RUNX1T1: variants seen among roughly 807,000 people sequenced by gnomAD.
RUNX1T1 encodes RUNX1 partner transcriptional co-repressor 1, also known as protein CBFA2T1.
In RUNX1T1, 4 loss-of-function variants were observed where a neutral mutation model predicts 62.8. That is an observed-to-expected ratio of 0.06 (90% confidence interval 0.03 to 0.15). The LOEUF is 0.15. Ranked by LOEUF, RUNX1T1 falls within the 10% of genes least tolerant of loss-of-function variation. RUNX1T1 has a pLI of 1.00. For missense variants in RUNX1T1, 508 were observed against 754.3 expected (o/e 0.67, Z 3.82); for synonymous variants, 291 against 286.0 (o/e 1.02, Z -0.18).
chr8:92,003,469 C>T, intron 5 of RUNX1T1: 1 of 438,978 alleles, frequency 2.3e-6, no homozygotes, highest in Non-Finnish European at 4.6e-6. Flanking sequence ...AAGTTGTGTC[C>T]ATTTTCAATT....
chr8:92,054,961 C>T (rs368947358), intron 1 of RUNX1T1, among the ~76,000 whole-genome samples: 4 of 151,936 alleles, frequency 2.6e-5, no homozygotes, highest in South Asian at 2.1e-4. Context: ...GCCAAGATTG[C>T]GCCACTGCAC....
At chr8:92,100,159 C>A (rs1436326028), upstream of RUNX1T1, among the ~76,000 whole-genome samples, 1 of 151,962 alleles carries the variant, frequency 6.6e-6, no homozygotes, top group Non-Finnish European at 1.5e-5. Context: ...TTAGAAAGGA[C>A]CTTTTAAAGA....
chr8:91,979,774 T>TA (rs1814800753), intron 8 of RUNX1T1: 1 of 516,370 alleles, frequency 1.9e-6, no homozygotes, highest in African/African-American at 1.9e-5. Context: ...GCACTACACT[T>TA]ACGACAGGAT....
chr8:92,042,521 T>A (rs1828653660), intron 1 of RUNX1T1, among the ~76,000 whole-genome samples: 1 of 151,850 alleles, frequency 6.6e-6, no homozygotes. Context: ...GGTGTCTTGT[T>A]ATGTTGGCCA....
At chr8:92,088,578 T>C (rs966820515) in intron 1 of RUNX1T1, among the ~76,000 whole-genome samples, 2 of 152,222 alleles carry the variant, frequency 1.3e-5, no homozygotes, top group Non-Finnish European at 2.9e-5. Flanking sequence ...GTGCCAACCC[T>C]TTTAGGTACC....
At chr8:92,028,659 T>C (rs1264685106) in intron 1 of RUNX1T1, among the ~76,000 whole-genome samples, 2 of 152,148 alleles carry the variant, frequency 1.3e-5, no homozygotes, top group East Asian at 1.9e-4. Context: ...CAAAGAAAAG[T>C]TTAAAGCCCC....
intron 8 of RUNX1T1, among the ~76,000 whole-genome samples, chr8:91,978,680 A>C (rs930949505): frequency 6.6e-6 from 1 of 152,222 alleles, no homozygotes; most frequent in Non-Finnish European, 1.5e-5. Flanking sequence ...CAAATTTCTT[A>C]GATGACACTT....
intron 1 of RUNX1T1, among the ~76,000 whole-genome samples, chr8:92,020,780 C>A (rs1057412875): frequency 4.0e-5 from 6 of 150,562 alleles, no homozygotes; most frequent in African/African-American, 7.3e-5. Context: ...TTTCAATATC[C>A]AGTTCAGTGT....
chr8:91,997,828 CT>C (rs1303778649), intron 5 of RUNX1T1, among the ~76,000 whole-genome samples: 3 of 152,124 alleles, frequency 2.0e-5, no homozygotes, highest in African/African-American at 7.2e-5. Context: ...ACTGTAGCTC[CT>C]TGAAAAATGA....
chr8:92,082,177 G>A (rs1394019326), intron 1 of RUNX1T1, among the ~76,000 whole-genome samples: 2 of 152,100 alleles, frequency 1.3e-5, no homozygotes, highest in African/African-American at 2.4e-5. Context: ...GAGCCACCGC[G>A]CCTGGCCTAA....
upstream of RUNX1T1, among the ~76,000 whole-genome samples, chr8:92,102,448 GAAA>G (rs978904155): frequency 6.6e-6 from 1 of 151,020 alleles, no homozygotes; most frequent in African/African-American, 2.4e-5. The surrounding 1 kb of genome is among the most constrained non-coding windows in gnomAD (Gnocchi z 4.5). Context: ...GAAAGGAAAA[GAAA>G]AAAACCCACG....
chr8:92,102,955 G>C, upstream of RUNX1T1: 3 of 1,475,912 alleles, frequency 2.0e-6, no homozygotes, highest in Non-Finnish European at 2.7e-6. The surrounding 1 kb of genome is among the most constrained non-coding windows in gnomAD (Gnocchi z 4.5). Flanking sequence ...ACGGGGCGAG[G>C]ACGCGGCGCG....
intron 1 of RUNX1T1, among the ~76,000 whole-genome samples, chr8:92,032,188 T>TA (rs937302539): frequency 3.9e-4 from 48 of 122,984 alleles, no homozygotes; most frequent in East Asian, 1.5e-3. Flanking sequence ...CACAGCAGAA[T>TA]AAAAAAAAAA....
intron 5 of RUNX1T1, among the ~76,000 whole-genome samples, chr8:91,993,848 C>T (rs770199019): frequency 3.3e-5 from 5 of 151,890 alleles, no homozygotes; most frequent in Admixed American, 2.6e-4. Context: ...AAAAAGTAGC[C>T]GGGTGTAGTG....
At chr8:92,034,791 C>CACAT (rs879497772) in intron 1 of RUNX1T1, among the ~76,000 whole-genome samples, 11 of 115,576 alleles carry the variant, frequency 9.5e-5, no homozygotes, top group African/African-American at 3.8e-4. Context: ...TATATATATA[C>CACAT]ATATATACAC....
At chr8:92,003,943 TA>T (rs1036806299) in intron 5 of RUNX1T1, among the ~76,000 whole-genome samples, 2 of 152,212 alleles carry the variant, frequency 1.3e-5, no homozygotes, top group African/African-American at 4.8e-5. Context: ...TTAGGAATTT[TA>T]AACTATTAAG....
intron 1 of RUNX1T1, among the ~76,000 whole-genome samples, chr8:92,044,848 C>A (rs1829109827): frequency 6.6e-6 from 1 of 152,114 alleles, no homozygotes; most frequent in Non-Finnish European, 1.5e-5. Context: ...CACTATATTA[C>A]CCTCCACCTG....
At chr8:92,037,961 A>C (rs1233137138) in intron 1 of RUNX1T1, among the ~76,000 whole-genome samples, 1 of 152,172 alleles carries the variant, frequency 6.6e-6, no homozygotes, top group African/African-American at 2.4e-5. Flanking sequence ...TTCTCATGGA[A>C]TCAATCCTCT....
At chr8:91,956,377 C>T (rs527395437), downstream of RUNX1T1, 97 of 230,488 alleles carry the variant, frequency 4.2e-4, no homozygotes, top group Non-Finnish European at 7.4e-4. Flanking sequence ...GTTACAGAGC[C>T]ACGCTTTGTA....
Sources: gnomAD v4.1 joint callset for allele counts (sites outside exome capture counted in the v4.1 genomes callset) on GRCh38, gnomAD v4.1.1 for gene constraint, Gnocchi (gnomAD v3.1) non-coding constraint, MANE v1.5 for transcripts, NCBI Gene and HGNC (gene_info 2026-07-23, HGNC 2026-07-21) for gene names.